TESMIN: variants seen among roughly 807,000 people sequenced by gnomAD.
TESMIN encodes the protein CXC domain containing 2.
A neutral mutation model predicts 47.4 loss-of-function variants in TESMIN; 34 were observed. The ratio of observed to expected loss-of-function variants is 0.72; its 90% CI spans 0.55 to 0.96. The LOEUF (loss-of-function observed/expected upper bound fraction) is 0.96. Among genes scored for constraint, TESMIN ranks in the 40% least tolerant of loss-of-function variants. The probability of loss-of-function intolerance (pLI) is 0.00; values close to 1 mark genes in which losing one functional copy is unlikely to be tolerated. For synonymous variants in TESMIN, 278 were observed against 258.9 expected, an observed-to-expected ratio of 1.07 and a Z score of -0.71; for missense variants, 610 against 637.2, an observed-to-expected ratio of 0.96 and a Z score of 0.46.
rs776650900 is a variant in TESMIN, at chr11:68,750,215, G to A, written c.446C>T (p.Ser149Phe). 7 of 1,499,220 alleles carry A rather than the reference G, an allele frequency of 4.7e-6. No homozygotes were observed. The Admixed American group carries it at 6.8e-5, about 15-fold the overall frequency. 92.9% of individuals were successfully genotyped at this position (1,499,220 alleles called of 1,614,324 possible). The change falls in exon 2 of 10, where the codon TCC becomes TTC. Residue 149 changes from serine to phenylalanine, a missense_variant. Coordinates refer to ENST00000255087, the MANE Select transcript of TESMIN (RefSeq NM_004923.3). ...TGGGATCATGCGGACGCCCGGGTGG[G>A]AGGCTCCTTCCAGGACCCAGGCGCC... ...PLGAWVLEGA[S>F]HPGVRMIPVE...
At chr11:68,717,787 C>T (rs1946157310) in intron 6 of TESMIN, among the ~76,000 whole-genome samples, 1 of 152,162 alleles carries the variant, frequency 6.6e-6, no homozygotes, top group Admixed American at 6.5e-5. Flanking sequence ...CCTTCCTAAG[C>T]AGCTGGGACC....
intron 6 of TESMIN, among the ~76,000 whole-genome samples, chr11:68,727,904 C>T (rs868710611): frequency 2.0e-4 from 31 of 152,110 alleles, no homozygotes; most frequent in African/African-American, 6.5e-4. Flanking sequence ...TATAAGAGCA[C>T]GAACTTAAGT....
chr11:68,737,627 ACTC>A, intron 6 of TESMIN: 1 of 985,390 alleles, frequency 1.0e-6, no homozygotes, highest in South Asian at 4.7e-5. Context: ...GGCCCAAAGA[ACTC>A]CTGCAGGCAG....
chr11:68,750,771 GC>G, intron 1 of TESMIN, 72 bp from the exon 2 acceptor site: 1 of 46,160 alleles, frequency 2.2e-5, no homozygotes, highest in South Asian at 4.1e-4. Context: ...AAAGGGGACA[GC>G]CAAGGGAGGG....
chr11:68,711,508 G>T (rs1594284033), intron 8 of TESMIN, among the ~76,000 whole-genome samples: 1 of 151,994 alleles, frequency 6.6e-6, no homozygotes, highest in East Asian at 1.9e-4. Context: ...CCATAGTCCT[G>T]CTGCTGACAG....
At position 68,750,608 on chromosome 11, in the gene TESMIN, A is replaced by G; in HGVS notation, c.53T>C (p.Val18Ala). Residue 18 changes from valine (V) to alanine (A), a missense_variant, in exon 2 of 10, where the codon GTG becomes GCG. Physicochemically the swap from Val to Ala is moderately conservative, Grantham distance 64 (BLOSUM62 0). Coordinates refer to ENST00000255087, the MANE Select transcript of TESMIN (RefSeq NM_004923.3). ...GGLPSPEDAM[V>A]TELLSPEGPF... ...ACCCTCGGGGCTTAAGAGCTCCGTC[A>G]CCATCGCATCCTCGGGGCTGGGCAG... 6.3e-7 allele frequency: 1 copy of G among 1,597,604 alleles called. No individual in the cohort carries two copies. Among genetic ancestry groups the G allele is most frequent in the Non-Finnish European group, 8.5e-7 (1 of 1,172,144 alleles).
intron 6 of TESMIN, chr11:68,736,310 T>C (rs530458818): frequency 1.0e-6 from 1 of 985,440 alleles, no homozygotes; most frequent in Admixed American, 6.1e-5. Context: ...GTTAATAAGT[T>C]AGCCAGTTCA....
In TESMIN at chr11:68,746,170, T is replaced by TACAC. The variant is rs56975910; in HGVS notation, c.630+1034_630+1037dup. Among the ~76,000 whole-genome samples the TACAC allele has an allele frequency of 7.5e-3, 1,128 of 149,590 alleles. 11 individuals carry two copies. The highest frequency in any genetic ancestry group is 0.038 in the Middle Eastern group (11 of 288). ...TGTATTTGGAGGATAAAGTTATAGC[T>TACAC]ACACACACACACACACACACACACA... is the stretch of plus-strand genomic sequence containing the variant. On this transcript the variant is annotated intron_variant, in intron 3 of 9. Coordinates refer to ENST00000255087, the MANE Select transcript of TESMIN (RefSeq NM_004923.3).
chr11:68,721,439 C>A (rs914542326), intron 6 of TESMIN, among the ~76,000 whole-genome samples: 15 of 152,130 alleles, frequency 9.9e-5, no homozygotes, highest in African/African-American at 1.4e-4. Context: ...CGTCCCACCC[C>A]CTCAGCCCAT....
intron 2 of TESMIN, among the ~76,000 whole-genome samples, chr11:68,748,808 T>C (rs997325307): frequency 1.3e-5 from 2 of 152,190 alleles, no homozygotes; most frequent in African/African-American, 4.8e-5. Flanking sequence ...AATTTTACTA[T>C]CTTTAACATC....
intron 9 of TESMIN, chr11:68,710,540 C>CT (rs1358466720): frequency 2.4e-5 from 6 of 251,020 alleles, no homozygotes; most frequent in Non-Finnish European, 4.5e-5. Flanking sequence ...CGTTGTGGCT[C>CT]TATATTAACG....
intron 6 of TESMIN, chr11:68,736,153 A>G: frequency 1.0e-6 from 1 of 985,316 alleles, no homozygotes; most frequent in Non-Finnish European, 1.2e-6. Context: ...ATTCTTTATT[A>G]TGATGTTCAT....
intron 5 of TESMIN, among the ~76,000 whole-genome samples, chr11:68,739,732 C>T (rs1946434209): frequency 6.6e-6 from 1 of 152,132 alleles, no homozygotes; most frequent in African/African-American, 2.4e-5. Flanking sequence ...CAGGCTTCTT[C>T]CCGGGAAACC....
At chr11:68,716,823 T>C (rs1311684657) in intron 6 of TESMIN, among the ~76,000 whole-genome samples, 7 of 152,246 alleles carry the variant, frequency 4.6e-5, no homozygotes, top group African/African-American at 1.7e-4. Context: ...GTGCCACCTA[T>C]GACCCGCGCC....
chr11:68,719,024 G>A (rs575042012), intron 6 of TESMIN, among the ~76,000 whole-genome samples: 5 of 152,272 alleles, frequency 3.3e-5, no homozygotes, highest in South Asian at 2.1e-4. Flanking sequence ...AGGAAGATGC[G>A]GGCTCCAGGA....
chr11:68,741,245 C>A (rs920044570), intron 5 of TESMIN, among the ~76,000 whole-genome samples: 1 of 152,164 alleles, frequency 6.6e-6, no homozygotes, highest in Non-Finnish European at 1.5e-5. Context: ...CCCTGCTCCC[C>A]TAGCTCACAC....
chr11:68,730,966 T>C (rs1470781298), intron 6 of TESMIN, among the ~76,000 whole-genome samples: 1 of 151,916 alleles, frequency 6.6e-6, no homozygotes, highest in African/African-American at 2.4e-5. Context: ...CAACAAAAGG[T>C]TGGGGTACAT....
intron 6 of TESMIN, among the ~76,000 whole-genome samples, chr11:68,734,636 T>A (rs1285539206): frequency 6.6e-6 from 1 of 152,212 alleles, no homozygotes; most frequent in Non-Finnish European, 1.5e-5. Flanking sequence ...TACACAGGCC[T>A]CATCTCTGCA....
At chr11:68,723,265 A>T (rs923609763) in intron 6 of TESMIN, among the ~76,000 whole-genome samples, 7 of 152,002 alleles carry the variant, frequency 4.6e-5, no homozygotes, top group African/African-American at 1.7e-4. Flanking sequence ...ATACATATAC[A>T]TACACATATA....
Sources: allele counts gnomAD v4.1 joint callset (sites outside exome capture counted in the v4.1 genomes callset), GRCh38; gene constraint gnomAD v4.1.1; transcripts MANE v1.5; gene names NCBI Gene and HGNC (gene_info 2026-07-23, HGNC 2026-07-21).